PCTP: variants seen among roughly 807,000 people sequenced by gnomAD.
PCTP encodes the protein phosphatidylcholine transfer protein.
PCTP carries 27 observed loss-of-function variants against 31.0 expected under a neutral mutation model. The observed-to-expected ratio is 0.87, with a 90% CI of 0.64 to 1.20. The LOEUF is 1.20. Ranked by LOEUF, PCTP falls within the 50% of genes most tolerant of loss-of-function variation. PCTP has a pLI of 0.00. For synonymous variants in PCTP, 108 were observed against 101.2 expected, an observed-to-expected ratio of 1.07 and a Z score of -0.40; for missense variants, 287 against 268.2, an observed-to-expected ratio of 1.07 and a Z score of -0.49.
chr17:55,807,339 A>G (rs1168330622), intron 3 of PCTP, among the ~76,000 whole-genome samples: 1 of 152,204 alleles, frequency 6.6e-6, no homozygotes, highest in East Asian at 1.9e-4. Context: ...GGCAGAAGCT[A>G]GTCATTGGCA....
At chr17:55,778,742 GCA>G (rs1911456214), downstream of PCTP, among the ~76,000 whole-genome samples, 1 of 152,082 alleles carries the variant, frequency 6.6e-6, no homozygotes, top group South Asian at 2.1e-4. Flanking sequence ...TAGAGAAATG[GCA>G]CAGTTTGAAT....
chr17:55,845,310 G>T (rs1906112361), downstream of PCTP, among the ~76,000 whole-genome samples: 1 of 151,964 alleles, frequency 6.6e-6, no homozygotes, highest in Non-Finnish European at 1.5e-5. Flanking sequence ...TAAACGGAAC[G>T]TCCCTAATAA....
downstream of PCTP, among the ~76,000 whole-genome samples, chr17:55,825,933 ATGATACTG>A (rs1905380442): frequency 6.6e-6 from 1 of 152,218 alleles, no homozygotes; most frequent in East Asian, 1.9e-4. Context: ...AGCAAAGAAG[ATGATACTG>A]TGCTTACCTT....
intron 3 of PCTP, among the ~76,000 whole-genome samples, chr17:55,813,938 T>A (rs888726296): frequency 2.0e-4 from 30 of 151,886 alleles, no homozygotes; most frequent in Admixed American, 5.3e-4. Flanking sequence ...GCTACTCAAG[T>A]GGCTGAGGTG....
downstream of PCTP, among the ~76,000 whole-genome samples, chr17:55,843,038 G>A (rs952700161): frequency 1.3e-5 from 2 of 152,048 alleles, no homozygotes; most frequent in African/African-American, 4.8e-5. Flanking sequence ...TCATGGCCCT[G>A]TAAACACATT....
At chr17:55,770,866 T>C in intron 2 of PCTP, 1 of 382,934 alleles carries the variant, frequency 2.6e-6, no homozygotes, top group East Asian at 5.0e-5. Flanking sequence ...ACTACAGACA[T>C]GCACCACCAT....
downstream of PCTP, among the ~76,000 whole-genome samples, chr17:55,778,290 T>C (rs1911436608): frequency 6.6e-6 from 1 of 152,184 alleles, no homozygotes; most frequent in Non-Finnish European, 1.5e-5. Flanking sequence ...AGGGTGTGTT[T>C]TTCTGCAGCA....
chr17:55,763,426 G>A (rs1423825221), intron 1 of PCTP, among the ~76,000 whole-genome samples: 1 of 151,370 alleles, frequency 6.6e-6, no homozygotes, highest in African/African-American at 2.4e-5. Context: ...AAATTTATCT[G>A]TAAGAAAACA....
chr17:55,838,361 A>G (rs1905846057), intron 5 of PCTP, among the ~76,000 whole-genome samples: 2 of 152,048 alleles, frequency 1.3e-5, no homozygotes, highest in South Asian at 4.1e-4. Flanking sequence ...CCTCTGCCCT[A>G]TTGTCATGAT....
intron 3 of PCTP, 100 bp downstream of exon 3, chr17:55,771,285 G>A (rs79178573): frequency 5.6e-6 from 5 of 894,602 alleles, no homozygotes; most frequent in Non-Finnish European, 9.3e-6. Context: ...TTCTCAGCAG[G>A]CACAGATAAC....
At chr17:55,815,379 C>A (rs964880750) in intron 3 of PCTP, among the ~76,000 whole-genome samples, 1 of 152,162 alleles carries the variant, frequency 6.6e-6, no homozygotes, top group African/African-American at 2.4e-5. Context: ...AAAGATAGAT[C>A]ACTTAAGCCT....
the PCTP span, among the ~76,000 whole-genome samples, chr17:55,850,675 C>T: frequency 3.9e-5 from 6 of 152,240 alleles, no homozygotes; most frequent in Admixed American, 2.6e-4. Context: ...TTCTATGGCA[C>T]GTAGGTTTCA....
intron 5 of PCTP, among the ~76,000 whole-genome samples, chr17:55,829,538 C>T (rs1356167452): frequency 6.6e-6 from 1 of 152,108 alleles, no homozygotes. Flanking sequence ...TCAAACTCCT[C>T]ACCTCAGGTG....
the PCTP span, among the ~76,000 whole-genome samples, chr17:55,850,593 T>G: frequency 9.6e-5 from 14 of 145,612 alleles, no homozygotes; most frequent in Non-Finnish European, 1.6e-4. Context: ...GTCCTAGCAT[T>G]TATGCAAAGA....
intron 1 of PCTP, among the ~76,000 whole-genome samples, chr17:55,761,104 G>C (rs1425945060): frequency 6.6e-6 from 1 of 152,156 alleles, no homozygotes. Context: ...TGTCTGTCCT[G>C]TTACTAGCTG....
chr17:55,754,335 G>A (rs1287651732), intron 1 of PCTP, among the ~76,000 whole-genome samples: 1 of 152,116 alleles, frequency 6.6e-6, no homozygotes, highest in African/African-American at 2.4e-5. Context: ...TTACTAGAGA[G>A]GCTGACAGAA....
chr17:55,796,067 G>T (rs1320794197), intron 3 of PCTP, among the ~76,000 whole-genome samples: 4 of 151,950 alleles, frequency 2.6e-5, no homozygotes, highest in African/African-American at 4.8e-5. Flanking sequence ...ATGAGGATGG[G>T]AATTTTTGGG....
At chr17:55,790,129 A>ATT in intron 3 of PCTP, among the ~76,000 whole-genome samples, 1 of 152,310 alleles carries the variant, frequency 6.6e-6, no homozygotes, top group East Asian at 1.9e-4. Context: ...ACTCTCAATA[A>ATT]ATTAGGTATT....
At chr17:55,765,520 T>C (rs1028257074) in intron 1 of PCTP, among the ~76,000 whole-genome samples, 4 of 152,226 alleles carry the variant, frequency 2.6e-5, no homozygotes, top group Admixed American at 6.5e-5. Flanking sequence ...CTTAAATCAC[T>C]GACTCCTCGC....
Sources: allele counts gnomAD v4.1 joint callset (sites outside exome capture counted in the v4.1 genomes callset), GRCh38; gene constraint gnomAD v4.1.1; transcripts MANE v1.5; gene names NCBI Gene and HGNC (gene_info 2026-07-23, HGNC 2026-07-21).